BAZ2B: variants seen among roughly 807,000 people sequenced by gnomAD.
The protein encoded by BAZ2B is bromodomain adjacent to zinc finger domain protein 2B.
Under a neutral mutation model 246.0 loss-of-function variants are expected in BAZ2B, and 91 were observed. That is an observed-to-expected ratio of 0.37 (90% CI 0.31 to 0.44). BAZ2B has a LOEUF of 0.44. Ranked by LOEUF, BAZ2B falls within the 20% of genes least tolerant of loss-of-function variation. BAZ2B has a pLI of 1.00. For synonymous variants in BAZ2B, 855 were observed against 860.0 expected (o/e 0.99, Z 0.10); for missense variants, 2,332 against 2,533.7 (o/e 0.92, Z 1.71).
intron 13 of BAZ2B, among the ~76,000 whole-genome samples, chr2:159,417,739 A>G (rs979657844): frequency 6.6e-6 from 1 of 152,226 alleles, no homozygotes; most frequent in Non-Finnish European, 1.5e-5. Context: ...TGAGCAAGGC[A>G]TAACATTATC....
chr2:159,533,389 C>T (rs1387107163), intron 2 of BAZ2B, among the ~76,000 whole-genome samples: 5 of 152,090 alleles, frequency 3.3e-5, no homozygotes, highest in Non-Finnish European at 7.4e-5. Flanking sequence ...AGAGTCTCAC[C>T]GTAAACTAGC....
chr2:159,525,288 C>A (rs2084610348), intron 2 of BAZ2B, among the ~76,000 whole-genome samples: 1 of 152,096 alleles, frequency 6.6e-6, no homozygotes, highest in Non-Finnish European at 1.5e-5. Context: ...CTGAGAATAG[C>A]TAAGGTGGCT....
chr2:159,525,411 A>G (rs1331830850), intron 2 of BAZ2B, among the ~76,000 whole-genome samples: 1 of 152,170 alleles, frequency 6.6e-6, no homozygotes, highest in East Asian at 1.9e-4. Context: ...AAGCTCCAAG[A>G]TCTGAAACTT....
chr2:159,550,668 C>A (rs1397042071), intron 2 of BAZ2B, among the ~76,000 whole-genome samples: 1 of 151,988 alleles, frequency 6.6e-6, no homozygotes, highest in South Asian at 2.1e-4. Flanking sequence ...TGGTAGGTAC[C>A]TGACATTTTA....
chr2:159,360,795 C>T (rs776368943), intron 27 of BAZ2B, among the ~76,000 whole-genome samples: 4 of 152,106 alleles, frequency 2.6e-5, no homozygotes, highest in Non-Finnish European at 5.9e-5. Flanking sequence ...GAAATAATGC[C>T]ACACATCTAC....
the BAZ2B span, among the ~76,000 whole-genome samples, chr2:159,699,016 T>G: frequency 6.6e-6 from 1 of 152,186 alleles, no homozygotes; most frequent in Non-Finnish European, 1.5e-5. Context: ...ATTTCAACAT[T>G]TATTGAGTGC....
At chr2:159,701,514 T>C in the BAZ2B span, among the ~76,000 whole-genome samples, 3 of 151,482 alleles carry the variant, frequency 2.0e-5, no homozygotes, top group Non-Finnish European at 2.9e-5. Flanking sequence ...TTTAAAAAAA[T>C]TCAGGGAAAA....
intron 1 of BAZ2B, among the ~76,000 whole-genome samples, chr2:159,566,415 A>G (rs1010186133): frequency 4.6e-5 from 7 of 152,226 alleles, no homozygotes; most frequent in Admixed American, 3.3e-4. Context: ...GATTAATCAC[A>G]GTTAGATTTA....
the BAZ2B span, among the ~76,000 whole-genome samples, chr2:159,706,415 A>T: frequency 6.6e-6 from 1 of 152,238 alleles, no homozygotes; most frequent in South Asian, 2.1e-4. Context: ...CAAGGAATTT[A>T]TATCTTTATC....
intron 6 of BAZ2B, 37 bp from the exon 7 acceptor site, chr2:159,439,249 T>C (rs2072949018): frequency 1.8e-5 from 27 of 1,536,888 alleles, no homozygotes; most frequent in Non-Finnish European, 2.3e-5. Flanking sequence ...GACTTTATTT[T>C]TGGAAAACAT....
chr2:159,507,123 C>T (rs2082414310), intron 2 of BAZ2B, among the ~76,000 whole-genome samples: 2 of 152,076 alleles, frequency 1.3e-5, no homozygotes. Flanking sequence ...GGTATAATTA[C>T]AAATCAAGGC....
intron 3 of BAZ2B, chr2:159,460,556 C>T (rs374444456): frequency 7.9e-5 from 12 of 152,100 alleles, no homozygotes; most frequent in African/African-American, 2.9e-4. Flanking sequence ...AAATTTGCAA[C>T]ATTAAAAATC....
chr2:159,684,019 C>T, the BAZ2B span, among the ~76,000 whole-genome samples: 1 of 152,198 alleles, frequency 6.6e-6, no homozygotes, highest in African/African-American at 2.4e-5. Flanking sequence ...TGCTGTTAGT[C>T]CTGTCCTATT....
chr2:159,522,597 T>C (rs1307976741), intron 2 of BAZ2B, among the ~76,000 whole-genome samples: 1 of 152,196 alleles, frequency 6.6e-6, no homozygotes, highest in African/African-American at 2.4e-5. Flanking sequence ...TAGAAATAAG[T>C]AAACAATTAG....
At chr2:159,576,383 C>G (rs528303943) in intron 1 of BAZ2B, among the ~76,000 whole-genome samples, 1 of 151,886 alleles carries the variant, frequency 6.6e-6, no homozygotes, top group Non-Finnish European at 1.5e-5. Flanking sequence ...CAAAGTGAGA[C>G]CCCGTCTTTA....
chr2:159,573,518 T>C (rs780519774), intron 1 of BAZ2B, among the ~76,000 whole-genome samples: 1 of 152,050 alleles, frequency 6.6e-6, no homozygotes, highest in Non-Finnish European at 1.5e-5. Context: ...GAACTAAGAA[T>C]GAATCAATGA....
chr2:159,689,989 A>G, the BAZ2B span: 1 of 398,336 alleles, frequency 2.5e-6, no homozygotes, highest in South Asian at 3.2e-5. Flanking sequence ...TTTTGACCAT[A>G]GAACACATTT....
At chr2:159,667,778 CAAAT>C in the BAZ2B span, among the ~76,000 whole-genome samples, 1 of 151,960 alleles carries the variant, frequency 6.6e-6, no homozygotes, top group East Asian at 1.9e-4. Flanking sequence ...TTGCCAATAA[CAAAT>C]AGTTATGATT....
chr2:159,324,974 A>G lies in BAZ2B; in HGVS notation c.6210-20T>C, dbSNP rs2063245818. The stretch of plus-strand genomic sequence containing the variant: ...ATCATACTAAAGAAAATAATGTTTG[A>G]AATCAGTATCCATACTTTACAACTG... On this transcript the variant is annotated intron_variant, in intron 35 of 36. Coordinates refer to ENST00000392783, the MANE Select transcript of BAZ2B (RefSeq NM_013450.4). The G allele has an allele frequency of 6.7e-7, 1 of 1,483,854 alleles. No individual in the cohort carries two copies. The highest frequency in any genetic ancestry group is 8.9e-7 in the Non-Finnish European group (1 of 1,127,102). The allele number at this position is 1,483,854 out of a possible 1,614,324, so 91.9% of individuals were successfully genotyped here.
Sources: allele counts gnomAD v4.1 joint callset (sites outside exome capture counted in the v4.1 genomes callset), GRCh38; gene constraint gnomAD v4.1.1; transcripts MANE v1.5; gene names NCBI Gene and HGNC (gene_info 2026-07-23, HGNC 2026-07-21).